Variants in PLEKHG4B observed in about 807,000 individuals in gnomAD.
PLEKHG4B encodes the protein pleckstrin homology and RhoGEF domain containing G4B.
A neutral mutation model predicts 121.3 loss-of-function variants in PLEKHG4B; 111 were observed. The observed-to-expected ratio is 0.92, with a 90% CI of 0.78 to 1.07. The LOEUF (loss-of-function observed/expected upper bound fraction) is 1.07, where lower values mean the gene tolerates loss of function less well. Among genes scored for constraint, PLEKHG4B ranks in the 50% least tolerant of loss-of-function variants. The pLI is 0.00. For missense variants in PLEKHG4B, 1,831 were observed against 1,757.8 expected, an observed-to-expected ratio of 1.04 and a Z score of -0.74; for synonymous variants, 738 against 725.0, an observed-to-expected ratio of 1.02 and a Z score of -0.29.
chr5:106,704 C>T (rs10065373), intron 1 of PLEKHG4B, among the ~76,000 whole-genome samples: 10,532 of 152,234 alleles, frequency 0.069, 652 homozygotes, highest in African/African-American at 0.17. Flanking sequence ...TGAGAGCAGA[C>T]GTAGGTGTTG....
intron 1 of PLEKHG4B, among the ~76,000 whole-genome samples, chr5:99,192 A>G (rs1264931072): frequency 7.1e-6 from 1 of 140,446 alleles, no homozygotes; most frequent in Non-Finnish European, 1.5e-5. Flanking sequence ...ATATATATAT[A>G]TATATATATA....
In PLEKHG4B at chr5:185,418, C is replaced by G. The variant is rs1368267538; in HGVS notation, c.*3095C>G. ...AGTATTTTTTTAAAGTACAATCATGCACACAGCACTTCCCCTGGGAGGCAG... is the reference window on the plus strand; with the variant it reads ...AGTATTTTTTTAAAGTACAATCATGGACACAGCACTTCCCCTGGGAGGCAG... On this transcript the variant is annotated 3_prime_UTR_variant, in exon 20 of 20. Coordinates refer to ENST00000637938, the MANE Select transcript of PLEKHG4B (RefSeq NM_052909.5). The G allele has an allele frequency of 6.6e-6, 1 of 152,254 alleles. No homozygotes were observed. Among genetic ancestry groups the G allele is most frequent in the African/African-American group, 2.4e-5 (1 of 41,454 alleles). 9.4% of individuals were successfully genotyped at this position (152,254 alleles called of 1,614,324 possible). A position where few individuals can be genotyped will look rare whatever the true frequency, so the allele number is the denominator to read the frequency against.
chr5:104,852 A>G (rs1012577656), intron 1 of PLEKHG4B, among the ~76,000 whole-genome samples: 1 of 152,234 alleles, frequency 6.6e-6, no homozygotes, highest in Non-Finnish European at 1.5e-5. Flanking sequence ...TTTCACTAAC[A>G]CCATAAATTA....
chr5:153,258 ACATCTGGGT>A (rs1735662124), intron 7 of PLEKHG4B, among the ~76,000 whole-genome samples: 1 of 152,072 alleles, frequency 6.6e-6, no homozygotes, highest in Non-Finnish European at 1.5e-5. Flanking sequence ...AATAATTCCA[ACATCTGGGT>A]CATCTCTGGG....
chr5:172,251 C>T (rs1305028426), intron 16 of PLEKHG4B, among the ~76,000 whole-genome samples: 1 of 152,204 alleles, frequency 6.6e-6, no homozygotes, highest in East Asian at 1.9e-4. Context: ...GCCAAGGAGC[C>T]CTAGGGGCGT....
intron 6 of PLEKHG4B, among the ~76,000 whole-genome samples, chr5:150,089 CA>C (rs1356686860): frequency 6.6e-6 from 1 of 152,236 alleles, no homozygotes; most frequent in African/African-American, 2.4e-5. Flanking sequence ...TTATCCATAA[CA>C]GCTAAAACAC....
rs1733697201 is a variant in PLEKHG4B, at chr5:188,642, A to G, written c.*6319A>G. 6.6e-6 allele frequency: 1 copy of G among 152,250 alleles called. No individual in the cohort carries two copies. The highest frequency in any genetic ancestry group is 6.5e-5 in the Admixed American group (1 of 15,282). The allele number at this position is 152,250 out of a possible 1,614,324, so 9.4% of individuals were successfully genotyped here. A position where few individuals can be genotyped will look rare whatever the true frequency, so the allele number is the denominator to read the frequency against. ...AGCAGCAGACAGAACCGGCACTTTTAGGGTCCAAACCCTGTTGCCCACAGA... is the reference window on the plus strand; with the variant it reads ...AGCAGCAGACAGAACCGGCACTTTTGGGGTCCAAACCCTGTTGCCCACAGA... On this transcript the variant is annotated 3_prime_UTR_variant, in exon 20 of 20. Transcript: ENST00000637938.
At chr5:136,690 A>G (rs1022272709) in intron 2 of PLEKHG4B, among the ~76,000 whole-genome samples, 4 of 152,222 alleles carry the variant, frequency 2.6e-5, no homozygotes, top group Non-Finnish European at 5.9e-5. Context: ...GGAAAACACT[A>G]TTAAAGGAAA....
rs751429069 is a variant in PLEKHG4B, at chr5:163,560, G to A, written c.3476+12G>A. ...CAGCAGGTGGGCAGGTGAGGTGGACGTCCCCCTCCTCTCGTCCTAGCAGTC... is the reference window on the plus strand; with the variant it reads ...CAGCAGGTGGGCAGGTGAGGTGGACATCCCCCTCCTCTCGTCCTAGCAGTC... On this transcript the variant is annotated intron_variant, in intron 13 of 19. Transcript: ENST00000637938. The A allele has an allele frequency of 5.6e-5, 88 of 1,559,266 alleles. No homozygotes were observed. The highest frequency in any genetic ancestry group is 5.3e-4 in the South Asian group (45 of 84,922).
chr5:169,730 G>A, intron 14 of PLEKHG4B, 138 bp downstream of exon 14: 1 of 1,319,392 alleles, frequency 7.6e-7, no homozygotes, highest in East Asian at 2.4e-5. Context: ...CTGACAGGAT[G>A]TTAAGACCAG....
In PLEKHG4B at chr5:137,214, G is replaced by A. The variant is rs780107218; in HGVS notation, c.244-2269G>A. 1.8e-4 allele frequency among the ~76,000 whole-genome samples: 28 copies of A among 152,164 alleles called. No individual in the cohort carries two copies. The highest frequency in any genetic ancestry group is 4.6e-4 in the Admixed American group (7 of 15,282). ...CCACTTGTATGAAGTAGTCAAACTC[G>A]TCAAGACAGGAAGTGGAATGGTGGG... On this transcript the variant is annotated intron_variant, in intron 2 of 19. Transcript: ENST00000637938. This position sits in a 1 kb window ranked among gnomAD's most constrained non-coding sequence, Gnocchi z 4.2.
At chr5:136,084 C>A (rs1734976625) in intron 2 of PLEKHG4B, among the ~76,000 whole-genome samples, 1 of 152,024 alleles carries the variant, frequency 6.6e-6, no homozygotes, top group Non-Finnish European at 1.5e-5. Flanking sequence ...ACAGTCTTTT[C>A]AATCAATGGT....
chr5:110,924 G>T (rs1262050369), intron 1 of PLEKHG4B, among the ~76,000 whole-genome samples: 1 of 152,286 alleles, frequency 6.6e-6, no homozygotes, highest in African/African-American at 2.4e-5. Context: ...GGGCTGAGCT[G>T]GTGGACCTGT....
In PLEKHG4B at chr5:169,579, G is replaced by A. The variant is rs770673513; in HGVS notation, c.3716G>A (p.Ser1239Asn). Residue 1239 changes from serine (S) to asparagine (N), a missense_variant, in exon 14 of 20, where the codon AGT becomes AAT. By Grantham distance (46) the Ser-to-Asn change is conservative. Transcript: ENST00000637938. ...CACTGCCCCTTGGCCGTGGGCCGCA[G>A]TTTCCTGAGACACGTAAGTGCAGGC... ...CQHCPLAVGR[S>N]FLRHEEQFGM... 9 of 1,613,330 alleles carry A rather than the reference G, an allele frequency of 5.6e-6. No individual in the cohort carries two copies. The highest frequency in any genetic ancestry group is 1.7e-5 in the Admixed American group (1 of 60,034).
At chr5:164,629 C>CA in intron 13 of PLEKHG4B, among the ~76,000 whole-genome samples, 1 of 128,198 alleles carries the variant, frequency 7.8e-6, no homozygotes, top group Non-Finnish European at 1.7e-5. Flanking sequence ...TGTGACGGAG[C>CA]GGAGCTCACA....
rs147879341 is a variant in PLEKHG4B, at chr5:93,681, C to T, written c.45+1405C>T. 2.5e-3 allele frequency among the ~76,000 whole-genome samples: 377 copies of T among 152,286 alleles called. 2 individuals are homozygous for T. Among genetic ancestry groups the T allele is most frequent in the African/African-American group, 8.5e-3 (353 of 41,552 alleles). ...CTCATCTTTTATCCTGGTAGAGGGGCGCTGCTGGCCTTTCTGGGGGGTGGG... is the reference window on the plus strand; with the variant it reads ...CTCATCTTTTATCCTGGTAGAGGGGTGCTGCTGGCCTTTCTGGGGGGTGGG... On this transcript the variant is annotated intron_variant, in intron 1 of 19. Coordinates refer to ENST00000637938, the MANE Select transcript of PLEKHG4B (RefSeq NM_052909.5).
intron 7 of PLEKHG4B, among the ~76,000 whole-genome samples, chr5:154,139 G>A (rs969676710): frequency 5.3e-5 from 8 of 152,000 alleles, no homozygotes; most frequent in African/African-American, 1.9e-4. Context: ...CTGAGTAGCT[G>A]GGACCACAGG....
chr5:155,005 G>A lies in PLEKHG4B; in HGVS notation c.2109+14G>A. On this transcript the variant is annotated intron_variant, in intron 8 of 19. Coordinates refer to ENST00000637938, the MANE Select transcript of PLEKHG4B (RefSeq NM_052909.5). Reference sequence around the variant, plus strand: ...TGCTTCCGTCAGGTAGGTTCAGCCTGCAGCTGCTGCACATGCGACAGTCTC... The same window carrying A: ...TGCTTCCGTCAGGTAGGTTCAGCCTACAGCTGCTGCACATGCGACAGTCTC... 2 of 1,591,956 alleles carry A rather than the reference G, an allele frequency of 1.3e-6. No individual in the cohort carries two copies. Among genetic ancestry groups the A allele is most frequent in the Non-Finnish European group, 1.7e-6 (2 of 1,162,664 alleles).
rs952011449 is a variant in PLEKHG4B at position 141,873 on chromosome 5, TC to T, written c.1477+1163del. Among the ~76,000 whole-genome samples the T allele has an allele frequency of 2.0e-5, 3 of 149,750 alleles. No homozygotes were observed. In the South Asian group the frequency reaches 6.4e-4, roughly 32 times the overall value. ...AGGCTGAGCCCTCCTTTCCGTGGGCTCCCCCCGCGGTGCCTGGAGACAGCCA... is the reference window on the plus strand; with the variant it reads ...AGGCTGAGCCCTCCTTTCCGTGGGCTCCCCCGCGGTGCCTGGAGACAGCCA... On this transcript the variant is annotated intron_variant, in intron 3 of 19. Transcript: ENST00000637938.
Sources: allele counts gnomAD v4.1 joint callset (sites outside exome capture counted in the v4.1 genomes callset), GRCh38; gene constraint gnomAD v4.1.1; non-coding constraint Gnocchi (gnomAD v3.1); transcripts MANE v1.5; gene names NCBI Gene and HGNC (gene_info 2026-07-23, HGNC 2026-07-21).